Variants in LPAR3 observed in about 807,000 individuals in gnomAD.
LPAR3 encodes LPA receptor 3.
A neutral mutation model predicts 17.8 loss-of-function variants in LPAR3; 7 were observed. The observed-to-expected ratio is 0.39, with a 90% CI of 0.22 to 0.74. LPAR3 has a LOEUF of 0.74. LPAR3 is among the 30% of genes least tolerant of loss of function. The pLI, the probability that LPAR3 is intolerant of heterozygous loss-of-function variation, is 0.40. For synonymous variants in LPAR3, 179 were observed against 179.9 expected (o/e 0.99, Z 0.04); for missense variants, 391 against 453.4 (o/e 0.86, Z 1.25).
rs1658869118 is a variant in LPAR3, at chr1:84,813,804, T to C, written c.*42A>G. 6.6e-7 allele frequency: 1 copy of C among 1,505,954 alleles called. No homozygotes were observed. The highest frequency in any genetic ancestry group is 1.4e-5 in the African/African-American group (1 of 72,680). 93.3% of individuals were successfully genotyped at this position (1,505,954 alleles called of 1,614,324 possible). On this transcript the variant is annotated 3_prime_UTR_variant, in exon 3 of 3. Transcript: ENST00000370611. ...ACAGGTAATCATTCTTAACAGCTCT[T>C]TTCCCAGAGGAGGCCTGGGTGGGCC...
intron 1 of LPAR3, among the ~76,000 whole-genome samples, chr1:84,870,976 C>G (rs918384639): frequency 1.3e-5 from 2 of 152,104 alleles, no homozygotes; most frequent in African/African-American, 4.8e-5. Flanking sequence ...TTCTAAATAG[C>G]CTTTGGCCTT....
At chr1:84,835,476 C>A (rs1277373512) in intron 2 of LPAR3, among the ~76,000 whole-genome samples, 1 of 151,758 alleles carries the variant, frequency 6.6e-6, no homozygotes, top group East Asian at 1.9e-4. Flanking sequence ...CGTGTGTGTA[C>A]GTGTGTGTGT....
intron 1 of LPAR3, among the ~76,000 whole-genome samples, chr1:84,882,989 C>T (rs1426654710): frequency 6.6e-6 from 1 of 152,238 alleles, no homozygotes; most frequent in East Asian, 1.9e-4. Flanking sequence ...CCTCCTAAGG[C>T]TGTTAGGAGA....
At chr1:84,821,646 C>A (rs1232225624) in intron 2 of LPAR3, among the ~76,000 whole-genome samples, 1 of 152,054 alleles carries the variant, frequency 6.6e-6, no homozygotes, top group African/African-American at 2.4e-5. Flanking sequence ...AATGCTTTTG[C>A]GTGGTAAAAT....
rs185767320 is a variant in LPAR3, at chr1:84,816,525, G to A, written c.737-2354C>T. Among the ~76,000 whole-genome samples the A allele has an allele frequency of 6.8e-3, 1,035 of 152,232 alleles. 9 individuals are homozygous for A. The highest frequency in any genetic ancestry group is 0.012 in the Admixed American group (179 of 15,292). ...TTAAATAACTTCATTTAGGCTGGGC[G>A]TGGTGGCTCACATCTATAATTCCAG... On this transcript the variant is annotated intron_variant, in intron 2 of 2. Transcript: ENST00000370611.
intron 1 of LPAR3, among the ~76,000 whole-genome samples, chr1:84,885,088 A>G (rs913744122): frequency 1.3e-5 from 2 of 152,178 alleles, no homozygotes; most frequent in Non-Finnish European, 2.9e-5. Flanking sequence ...ATTCCTAGCA[A>G]TATCTGGAGA....
chr1:84,863,061 C>CT lies in LPAR3; in HGVS notation c.736+2323dup, dbSNP rs75480062. 3.2e-3 allele frequency among the ~76,000 whole-genome samples: 460 copies of CT among 143,266 alleles called. 2 individuals carry two copies. The highest frequency in any genetic ancestry group is 9.1e-3 in the East Asian group (45 of 4,942). The allele number at this position is 143,266 out of a possible 152,430, so 94.0% of individuals were successfully genotyped here. ...AGGGCTCACAACCTTTCTCTCCTCCCTTTTTTTTTTTTTGGTTTTGTTTTT... is the reference window on the plus strand; with the variant it reads ...AGGGCTCACAACCTTTCTCTCCTCCCTTTTTTTTTTTTTTGGTTTTGTTTTT... On this transcript the variant is annotated intron_variant, in intron 2 of 2. Transcript: ENST00000370611.
chr1:84,861,401 T>C (rs1397616122), intron 2 of LPAR3, among the ~76,000 whole-genome samples: 1 of 152,122 alleles, frequency 6.6e-6, no homozygotes. Context: ...AGATTCATAT[T>C]CTCTCTCTCA....
chr1:84,863,426 C>T (rs769552827), intron 2 of LPAR3, among the ~76,000 whole-genome samples: 24 of 152,196 alleles, frequency 1.6e-4, no homozygotes, highest in Non-Finnish European at 3.2e-4. Context: ...GGTACCAACA[C>T]TGCTAATGCT....
chr1:84,826,968 T>C (rs966465469), intron 2 of LPAR3, among the ~76,000 whole-genome samples: 4 of 152,240 alleles, frequency 2.6e-5, no homozygotes. Context: ...ATAAGATTGA[T>C]ACAAGTTAAG....
chr1:84,874,998 C>G (rs2102769453), intron 1 of LPAR3, among the ~76,000 whole-genome samples: 1 of 151,234 alleles, frequency 6.6e-6, no homozygotes, highest in South Asian at 2.1e-4. Flanking sequence ...CTTCCTGGTT[C>G]AAGCGATTCT....
intron 2 of LPAR3, among the ~76,000 whole-genome samples, chr1:84,855,834 G>C (rs1039542470): frequency 4.6e-5 from 7 of 152,162 alleles, no homozygotes; most frequent in African/African-American, 1.7e-4. Flanking sequence ...CAGACTTGAG[G>C]TAACAAATGG....
chr1:84,869,801 G>A (rs115018136), intron 1 of LPAR3, among the ~76,000 whole-genome samples: 3,085 of 152,148 alleles, frequency 0.02, 96 homozygotes, highest in African/African-American at 0.071. Flanking sequence ...ATGTTCAAAG[G>A]AAAAGCCTCA....
At chr1:84,822,086 T>A (rs1659071374) in intron 2 of LPAR3, among the ~76,000 whole-genome samples, 1 of 152,180 alleles carries the variant, frequency 6.6e-6, no homozygotes, top group Non-Finnish European at 1.5e-5. Flanking sequence ...AAATATTTAC[T>A]AAGCAATTAC....
At chr1:84,835,371 T>C (rs1394478224) in intron 2 of LPAR3, among the ~76,000 whole-genome samples, 1 of 152,234 alleles carries the variant, frequency 6.6e-6, no homozygotes. Context: ...TAGAAACCCT[T>C]AAGTCTTTTG....
intron 1 of LPAR3, among the ~76,000 whole-genome samples, chr1:84,885,194 C>A (rs1660435266): frequency 6.6e-6 from 1 of 152,122 alleles, no homozygotes; most frequent in African/African-American, 2.4e-5. Context: ...ATGCACAGGC[C>A]AGCTCTCCAC....
chr1:84,838,277 G>A (rs1406255173), intron 2 of LPAR3, among the ~76,000 whole-genome samples: 1 of 152,188 alleles, frequency 6.6e-6, no homozygotes, highest in Non-Finnish European at 1.5e-5. Flanking sequence ...GTGCCAGCCA[G>A]CATTGACACG....
intron 2 of LPAR3, among the ~76,000 whole-genome samples, chr1:84,830,123 A>G (rs1659253681): frequency 6.6e-6 from 1 of 152,194 alleles, no homozygotes; most frequent in East Asian, 1.9e-4. Context: ...ATTCCCAGGG[A>G]GAAAAGTTCT....
At chr1:84,832,567 T>C (rs1470978116) in intron 2 of LPAR3, among the ~76,000 whole-genome samples, 1 of 152,088 alleles carries the variant, frequency 6.6e-6, no homozygotes, top group African/African-American at 2.4e-5. Flanking sequence ...TTGCAGGAAT[T>C]GAACTATTAG....
Sources: allele counts gnomAD v4.1 joint callset (sites outside exome capture counted in the v4.1 genomes callset), GRCh38; gene constraint gnomAD v4.1.1; transcripts MANE v1.5; gene names NCBI Gene and HGNC (gene_info 2026-07-23, HGNC 2026-07-21).